NPAS3: variants seen among roughly 807,000 people sequenced by gnomAD.
NPAS3 encodes neuronal PAS domain protein 3, also known as neuronal PAS domain-containing protein 3.
Under a neutral mutation model 73.1 loss-of-function variants are expected in NPAS3, and 14 were observed. That is an observed-to-expected ratio of 0.19 (90% CI 0.13 to 0.30). The LOEUF (loss-of-function observed/expected upper bound fraction) is 0.30. Ranked by LOEUF, NPAS3 falls within the 10% of genes least tolerant of loss-of-function variation. The probability of loss-of-function intolerance (pLI) is 1.00; values close to 1 mark genes in which losing one functional copy is unlikely to be tolerated. For missense variants in NPAS3, 1,096 were observed against 1,250.0 expected (o/e 0.88, Z 1.86); for synonymous variants, 620 against 541.5 (o/e 1.14, Z -2.01).
At chr14:33,565,861 T>C (rs2055900770) in intron 5 of NPAS3, among the ~76,000 whole-genome samples, 1 of 152,024 alleles carries the variant, frequency 6.6e-6, no homozygotes, top group Non-Finnish European at 1.5e-5. Context: ...GCCCCCCTTT[T>C]CAAAACGTTT....
intron 3 of NPAS3, among the ~76,000 whole-genome samples, chr14:33,283,414 TCTTTAA>T (rs2041710123): frequency 6.6e-6 from 1 of 152,220 alleles, no homozygotes; most frequent in African/African-American, 2.4e-5. Flanking sequence ...TATCCTTCTT[TCTTTAA>T]CTTGATTGAG....
chr14:33,182,506 T>A (rs2045832142), intron 2 of NPAS3, among the ~76,000 whole-genome samples: 1 of 152,220 alleles, frequency 6.6e-6, no homozygotes, highest in South Asian at 2.1e-4. Context: ...AGTGCAGCAG[T>A]AAAATGCATG....
chr14:33,298,118 C>T (rs1430979900), intron 3 of NPAS3, among the ~76,000 whole-genome samples: 1 of 152,114 alleles, frequency 6.6e-6, no homozygotes, highest in African/African-American at 2.4e-5. Context: ...CCCGTCTCTA[C>T]TAAAGATACA....
intron 3 of NPAS3, among the ~76,000 whole-genome samples, chr14:33,267,217 T>C (rs2040857778): frequency 6.6e-6 from 1 of 152,194 alleles, no homozygotes; most frequent in Non-Finnish European, 1.5e-5. Context: ...AGGCTATTCT[T>C]GGGGTATTAA....
chr14:33,467,674 C>A (rs1353588174), intron 4 of NPAS3, among the ~76,000 whole-genome samples: 1 of 152,184 alleles, frequency 6.6e-6, no homozygotes, highest in Non-Finnish European at 1.5e-5. Flanking sequence ...GGCAAAGCGG[C>A]AGTGCCCTTT....
In NPAS3 at chr14:33,800,105, C is replaced by A. The variant is rs1188143742; in HGVS notation, c.1798C>A (p.Arg600Ser). 6.3e-7 allele frequency: 1 copy of A among 1,587,084 alleles called. No individual in the cohort carries two copies. Among genetic ancestry groups the A allele is most frequent in the African/African-American group, 1.3e-5 (1 of 74,780 alleles). The change falls in exon 12 of 12, where the codon CGC (arginine) becomes AGC (serine). Residue 600 changes from arginine to serine, a missense_variant. Arg to Ser is a moderately radical substitution (Grantham distance 110, BLOSUM62 -1). This residue lies in a region of NPAS3 where 698 missense variants were observed against 676.7 expected (regional missense o/e 1.03). Transcript: ENST00000356141. The surrounding 1 kb of genome is among the most constrained non-coding windows in gnomAD (Gnocchi z 6.5). ...GCAGGCCTCCAGCAAGCACCAGAAG[C>A]GCAAGAAAAGGCGGAAACGGCAAAA...
chr14:33,180,402 G>T (rs377040663), intron 2 of NPAS3, among the ~76,000 whole-genome samples: 2 of 152,172 alleles, frequency 1.3e-5, no homozygotes, highest in East Asian at 3.9e-4. Flanking sequence ...CATTTTACCC[G>T]AGATTTGCGT....
At chr14:33,345,058 C>T (rs559344266) in intron 3 of NPAS3, among the ~76,000 whole-genome samples, 2 of 152,332 alleles carry the variant, frequency 1.3e-5, no homozygotes, top group Admixed American at 1.3e-4. Context: ...TTTATTCCTT[C>T]TCACCTGGTC....
intron 1 of NPAS3, among the ~76,000 whole-genome samples, chr14:32,970,686 C>T (rs2037382272): frequency 6.6e-6 from 1 of 152,118 alleles, no homozygotes; most frequent in Non-Finnish European, 1.5e-5. Flanking sequence ...TGTTCCATGC[C>T]TCCCTCTTAC....
intron 6 of NPAS3, among the ~76,000 whole-genome samples, chr14:33,682,644 C>A (rs2059971543): frequency 6.6e-6 from 1 of 152,184 alleles, no homozygotes; most frequent in African/African-American, 2.4e-5. Flanking sequence ...CCCAGCTAAG[C>A]TAAACAAGAT....
intron 3 of NPAS3, among the ~76,000 whole-genome samples, chr14:33,274,296 C>T (rs1287858193): frequency 6.6e-6 from 1 of 152,166 alleles, no homozygotes; most frequent in Non-Finnish European, 1.5e-5. Context: ...TTAGGCTGGA[C>T]TTAGAATATG....
Position 33,457,973 on chromosome 14 carries a change from C to T in NPAS3, c.468+90705C>T, listed in dbSNP as rs183231505. The stretch of plus-strand genomic sequence containing the variant: ...CTAAATAAGACAGTGGAAACCGCGA[C>T]AGGTTCCCAAAGGCTCACTGGTTGA... On this transcript the variant is annotated intron_variant, in intron 4 of 11. Transcript: ENST00000356141. Among the ~76,000 whole-genome samples, 117 of 152,308 alleles carry T rather than the reference C, an allele frequency of 7.7e-4. 2 individuals carry two copies. The highest frequency in any genetic ancestry group is 2.2e-4 in the Non-Finnish European group (15 of 68,028).
At chr14:33,581,042 G>C (rs931364631) in intron 5 of NPAS3, among the ~76,000 whole-genome samples, 5 of 152,148 alleles carry the variant, frequency 3.3e-5, no homozygotes, top group African/African-American at 1.2e-4. Context: ...ATGACACTGG[G>C]ATATTAGTCT....
intron 3 of NPAS3, among the ~76,000 whole-genome samples, chr14:33,340,595 T>C (rs2044431133): frequency 1.3e-5 from 2 of 152,244 alleles, no homozygotes; most frequent in South Asian, 4.1e-4. Flanking sequence ...TATTTATAGG[T>C]TAAATGATAA....
At chr14:33,203,835 A>C (rs1024774003) in intron 2 of NPAS3, among the ~76,000 whole-genome samples, 13 of 152,232 alleles carry the variant, frequency 8.5e-5, no homozygotes, top group East Asian at 7.7e-4. Flanking sequence ...TGGGTATATA[A>C]CCAGTAATGG....
intron 1 of NPAS3, among the ~76,000 whole-genome samples, chr14:33,044,206 C>G (rs759324856): frequency 6.6e-6 from 1 of 152,180 alleles, no homozygotes; most frequent in Non-Finnish European, 1.5e-5. Flanking sequence ...TATTAATTTT[C>G]ATAACCAAAA....
chr14:32,937,485 T>C (rs2035733562), upstream of NPAS3, among the ~76,000 whole-genome samples: 1 of 152,092 alleles, frequency 6.6e-6, no homozygotes, highest in Non-Finnish European at 1.5e-5. Flanking sequence ...TTTTCCCTTC[T>C]CTGCCAGCCC....
At position 33,029,207 on chromosome 14, in the gene NPAS3, G is replaced by A. The variant is rs1228611165; in HGVS notation, c.51-26698G>A. On this transcript the variant is annotated intron_variant, in intron 1 of 11. Coordinates refer to ENST00000356141, the Ensembl canonical transcript of NPAS3. ...TTTCACAGCACCACTGGAAAGACTGGCATGCCAGGTGAAGTGACGGACGCT... is the reference window on the plus strand; with the variant it reads ...TTTCACAGCACCACTGGAAAGACTGACATGCCAGGTGAAGTGACGGACGCT... 2.6e-5 allele frequency among the ~76,000 whole-genome samples: 4 copies of A among 152,222 alleles called. No individual in the cohort carries two copies. In the East Asian group the frequency reaches 5.8e-4, roughly 22 times the overall value.
chr14:33,546,274 C>T (rs1221839164), intron 4 of NPAS3, among the ~76,000 whole-genome samples: 2 of 152,306 alleles, frequency 1.3e-5, no homozygotes, highest in Middle Eastern at 6.8e-3. Context: ...ATCCTGTTGT[C>T]GATTGACTTA....
Sources: gnomAD v4.1 joint callset for allele counts (sites outside exome capture counted in the v4.1 genomes callset) on GRCh38, gnomAD v4.1.1 for gene constraint, gnomAD v4.1.1 regional missense constraint, Gnocchi (gnomAD v3.1) non-coding constraint, MANE v1.5 for transcripts, NCBI Gene and HGNC (gene_info 2026-07-23, HGNC 2026-07-21) for gene names.